Variants in DNM3 observed in about 807,000 individuals in gnomAD.
The protein encoded by DNM3 is dynamin 3, also known as dynamin-3.
Under a neutral mutation model 101.6 loss-of-function variants are expected in DNM3, and 47 were observed. The observed-to-expected ratio is 0.46, with a 90% CI of 0.37 to 0.59. The LOEUF (loss-of-function observed/expected upper bound fraction) is 0.59. DNM3 is among the 20% of genes least tolerant of loss of function. DNM3 has a pLI of 0.00. For missense variants in DNM3, 849 were observed against 1,085.7 expected, an observed-to-expected ratio of 0.78 and a Z score of 3.06; for synonymous variants, 385 against 387.9, an observed-to-expected ratio of 0.99 and a Z score of 0.09.
chr1:172,290,029 T>C, intron 15 of DNM3: 1 of 920,954 alleles, frequency 1.1e-6, no homozygotes, highest in Non-Finnish European at 1.3e-6. Context: ...ATGTAAGATC[T>C]TTGTGTCATT....
chr1:171,963,188 A>G (rs1454661164), intron 2 of DNM3, among the ~76,000 whole-genome samples: 1 of 152,176 alleles, frequency 6.6e-6, no homozygotes, highest in Non-Finnish European at 1.5e-5. Flanking sequence ...TACCCGGACA[A>G]TGGAATATTG....
chr1:171,941,714 T>C (rs2041828934), intron 2 of DNM3, among the ~76,000 whole-genome samples: 1 of 152,190 alleles, frequency 6.6e-6, no homozygotes, highest in Non-Finnish European at 1.5e-5. Flanking sequence ...ACTTTATGGG[T>C]TCATTGTTTT....
chr1:172,267,873 C>T (rs1258827400), intron 15 of DNM3, among the ~76,000 whole-genome samples: 2 of 152,072 alleles, frequency 1.3e-5, no homozygotes, highest in African/African-American at 4.8e-5. Flanking sequence ...CCACCAAGCC[C>T]AGCTAATTTT....
chr1:171,907,348 G>A (rs954891395), intron 1 of DNM3, among the ~76,000 whole-genome samples: 5 of 152,080 alleles, frequency 3.3e-5, no homozygotes, highest in African/African-American at 4.8e-5. Context: ...AAAATTAGCC[G>A]GGCAAGGTGG....
chr1:171,923,307 A>T (rs990651769), intron 2 of DNM3, among the ~76,000 whole-genome samples: 1 of 152,162 alleles, frequency 6.6e-6, no homozygotes, highest in Non-Finnish European at 1.5e-5. Context: ...TCATTTGTAT[A>T]TATTATTTAG....
chr1:171,927,156 T>C (rs2040637348), intron 2 of DNM3, among the ~76,000 whole-genome samples: 1 of 152,106 alleles, frequency 6.6e-6, no homozygotes, highest in Admixed American at 6.6e-5. Flanking sequence ...ACTTAAAGAG[T>C]CCACTAAAAA....
At chr1:172,098,486 C>T (rs535914343) in intron 13 of DNM3, among the ~76,000 whole-genome samples, 4 of 152,288 alleles carry the variant, frequency 2.6e-5, no homozygotes, top group Admixed American at 2.6e-4. Context: ...CACACATGCT[C>T]TACAAACAAT....
chr1:172,068,365 G>A (rs1248015989), intron 10 of DNM3, among the ~76,000 whole-genome samples: 1 of 151,874 alleles, frequency 6.6e-6, no homozygotes, highest in African/African-American at 2.4e-5. Flanking sequence ...AAGAAATGAG[G>A]TTAATAATTA....
At chr1:172,213,077 A>T (rs1011823357) in intron 14 of DNM3, among the ~76,000 whole-genome samples, 4 of 152,150 alleles carry the variant, frequency 2.6e-5, no homozygotes, top group Admixed American at 6.5e-5. Flanking sequence ...TTCTAAGTCC[A>T]GTGTTCTTTC....
intron 7 of DNM3, among the ~76,000 whole-genome samples, chr1:172,039,626 C>A (rs1187898592): frequency 6.6e-6 from 1 of 152,016 alleles, no homozygotes; most frequent in East Asian, 1.9e-4. Flanking sequence ...TTGCAAATAC[C>A]GGGTCTTGCC....
intron 14 of DNM3, among the ~76,000 whole-genome samples, chr1:172,148,297 A>T (rs1449863330): frequency 4.9e-5 from 7 of 143,996 alleles, no homozygotes; most frequent in Non-Finnish European, 7.7e-5. Flanking sequence ...ATATATTTGT[A>T]TTTTTTTTTT....
At chr1:172,079,846 T>C (rs985261131) in intron 11 of DNM3, among the ~76,000 whole-genome samples, 1 of 152,204 alleles carries the variant, frequency 6.6e-6, no homozygotes, top group Non-Finnish European at 1.5e-5. Context: ...TGTTCCTTTC[T>C]GTTTGTTAGT....
intron 5 of DNM3, 143 bp from the exon 6 acceptor site, chr1:172,032,962 C>A (rs114626839): frequency 1.0e-6 from 1 of 979,462 alleles, no homozygotes; most frequent in Non-Finnish European, 1.5e-6. Flanking sequence ...TGATGTTTCC[C>A]ATTGAGTTTT....
At chr1:172,375,864 A>C (rs1369308155) in intron 17 of DNM3, among the ~76,000 whole-genome samples, 1 of 151,540 alleles carries the variant, frequency 6.6e-6, no homozygotes, top group Non-Finnish European at 1.5e-5. Flanking sequence ...AAAAGGCAAA[A>C]TTAGCTGGGC....
chr1:172,033,358 T>C (rs1298837736), intron 6 of DNM3, 93 bp downstream of exon 6: 2 of 1,364,514 alleles, frequency 1.5e-6, no homozygotes, highest in East Asian at 2.6e-5. Flanking sequence ...TATTTTTTTT[T>C]CCAAAACAAG....
intron 17 of DNM3, among the ~76,000 whole-genome samples, chr1:172,334,141 C>T (rs2066314763): frequency 6.6e-6 from 1 of 152,174 alleles, no homozygotes; most frequent in African/African-American, 2.4e-5. Context: ...CACAGATTCA[C>T]CTTGACTTAT....
intron 10 of DNM3, among the ~76,000 whole-genome samples, chr1:172,051,433 C>T (rs539702689): frequency 1.3e-4 from 20 of 152,276 alleles, no homozygotes; most frequent in Non-Finnish European, 2.4e-4. Flanking sequence ...ATATCATGTC[C>T]AATGCCTAAA....
At chr1:172,026,800 C>A (rs1484303275) in intron 4 of DNM3, among the ~76,000 whole-genome samples, 2 of 152,042 alleles carry the variant, frequency 1.3e-5, no homozygotes, top group African/African-American at 2.4e-5. Flanking sequence ...ACTACAGGCA[C>A]CTGCTACCAC....
chr1:172,337,195 T>TA (rs1191890221), intron 17 of DNM3, among the ~76,000 whole-genome samples: 2 of 152,198 alleles, frequency 1.3e-5, no homozygotes, highest in Admixed American at 1.3e-4. Context: ...TAGGCATCAT[T>TA]AGGGCTACCT....
Sources: gnomAD v4.1 joint callset for allele counts (sites outside exome capture counted in the v4.1 genomes callset) on GRCh38, gnomAD v4.1.1 for gene constraint, MANE v1.5 for transcripts, NCBI Gene and HGNC (gene_info 2026-07-23, HGNC 2026-07-21) for gene names.